The following TP53BP2 variants were observed in gnomAD, a reference collection of about 807,000 sequenced individuals.
TP53BP2 encodes apoptosis-stimulating of p53 protein 2.
TP53BP2 carries 62 observed loss-of-function variants against 126.2 expected under a neutral mutation model. The observed-to-expected ratio is 0.49, with a 90% CI of 0.40 to 0.61. The LOEUF (loss-of-function observed/expected upper bound fraction) is 0.61. TP53BP2 is among the 20% of genes least tolerant of loss of function. TP53BP2 has a pLI of 0.00. For missense variants in TP53BP2, 1,215 were observed against 1,402.8 expected, an observed-to-expected ratio of 0.87 and a Z score of 2.14; for synonymous variants, 485 against 502.9, an observed-to-expected ratio of 0.96 and a Z score of 0.48.
chr1:223,800,675 C>G (rs1467842761), intron 10 of TP53BP2, 25 bp downstream of exon 10: 2 of 1,545,726 alleles, frequency 1.3e-6, no homozygotes, highest in Non-Finnish European at 1.8e-6. Flanking sequence ...ATTTAATGTT[C>G]AAGAGTAGCA....
rs1255194752 is a variant in TP53BP2, at chr1:223,784,312, C to T, written c.3166G>A (p.Val1056Ile). The change falls in exon 17 of 18, where the codon GTT becomes ATT. Residue 1056 changes from valine (V) to isoleucine (I), a missense_variant and splice_region_variant. Coordinates refer to ENST00000343537, the MANE Select transcript of TP53BP2 (RefSeq NM_001031685.3). ...TTCATTATGCCCATCTTCTCCTGAA[C>T]TCCTAAAATCATGACAGTAAGATAA... Reference protein sequence around the residue: ...YTQCSQFLYGVQEKMGIMNKG... With the variant: ...YTQCSQFLYGIQEKMGIMNKG... The T allele has an allele frequency of 6.2e-7, 1 of 1,614,032 alleles. No individual in the cohort carries two copies. The highest frequency in any genetic ancestry group is 1.7e-5 in the Admixed American group (1 of 60,020).
At chr1:223,808,099 G>C (rs1662783324) in intron 4 of TP53BP2, among the ~76,000 whole-genome samples, 1 of 152,198 alleles carries the variant, frequency 6.6e-6, no homozygotes, top group African/African-American at 2.4e-5. Flanking sequence ...AAACAGAATA[G>C]AGAGTACAAA....
intron 1 of TP53BP2, among the ~76,000 whole-genome samples, chr1:223,841,252 T>A (rs1419161177): frequency 6.6e-6 from 1 of 151,392 alleles, no homozygotes; most frequent in Non-Finnish European, 1.5e-5. Flanking sequence ...TCTCAAGAAA[T>A]AAATAAATAA....
At chr1:223,845,520 G>T in intron 1 of TP53BP2, 134 bp downstream of exon 1, 1 of 1,016,686 alleles carries the variant, frequency 9.8e-7, no homozygotes, top group Non-Finnish European at 1.3e-6. Flanking sequence ...CTCGAAGCTC[G>T]GAAAGCCCCG....
rs1371563190 is a variant in TP53BP2 at position 223,798,225 on chromosome 1, G to T, written c.1938C>A (p.His646Gln). ...ALTKTHTRGP[H>Q]FSSVYGKPVI... is the part of the protein sequence containing the mutation. ...CGTTAAGAACCTTACCACTTGAAAA[G>T]TGTGGCCCTCTGGTATGAGTCTTGG... is the stretch of plus-strand genomic sequence containing the variant. The change falls in exon 12 of 18, where the codon CAC becomes CAA. Residue 646 changes from histidine (H) to glutamine (Q), a missense_variant. Coordinates refer to ENST00000343537, the MANE Select transcript of TP53BP2 (RefSeq NM_001031685.3). The T allele has an allele frequency of 1.2e-6, 2 of 1,612,974 alleles. No individual in the cohort carries two copies. Among genetic ancestry groups the T allele is most frequent in the East Asian group, 4.5e-5 (2 of 44,872 alleles).
chr1:223,831,032 A>G (rs1346752336), intron 1 of TP53BP2, among the ~76,000 whole-genome samples: 1 of 151,986 alleles, frequency 6.6e-6, no homozygotes, highest in Non-Finnish European at 1.5e-5. Context: ...TGGGAGGCGG[A>G]GCTTGCAGTG....
chr1:223,800,627 T>C (rs1662496715), intron 10 of TP53BP2, 73 bp downstream of exon 10: 1 of 1,037,052 alleles, frequency 9.6e-7, no homozygotes, highest in Non-Finnish European at 1.4e-6. Flanking sequence ...GAAAATGGAC[T>C]CTCTAAAAGA....
chr1:223,803,305 A>G lies in TP53BP2; in HGVS notation c.797T>C (p.Val266Ala). 1 of 1,613,258 alleles carries G rather than the reference A, an allele frequency of 6.2e-7. No homozygotes were observed. The highest frequency in any genetic ancestry group is 1.1e-5 in the South Asian group (1 of 91,030). Reference protein sequence around the residue: ...IDSHHDNQSAVAELDRLYKEL... With the variant: ...IDSHHDNQSAAAELDRLYKEL... ...CTTATAGAGGCGATCAAGCTCAGCC[A>G]CTGCAGACTGATTGTCATGGTGGCT... Residue 266 changes from valine to alanine, a missense_variant, in exon 7 of 18, where the codon GTG becomes GCG. Val to Ala is a moderately conservative substitution (Grantham distance 64, BLOSUM62 0). Around this residue, in one of 4 missense-constraint regions of TP53BP2, gnomAD observed 814 missense variants for 853.0 expected, o/e 0.95. Coordinates refer to ENST00000343537, the MANE Select transcript of TP53BP2 (RefSeq NM_001031685.3).
intron 5 of TP53BP2, 113 bp from the exon 6 acceptor site, chr1:223,804,461 G>A: frequency 1.0e-6 from 1 of 958,026 alleles, no homozygotes; most frequent in Non-Finnish European, 1.6e-6. Flanking sequence ...TTGTAACCCT[G>A]GTCTGGTCTC....
At chr1:223,831,194 G>A (rs1385086925) in intron 1 of TP53BP2, among the ~76,000 whole-genome samples, 1 of 148,918 alleles carries the variant, frequency 6.7e-6, no homozygotes, top group Non-Finnish European at 1.5e-5. Flanking sequence ...GCCAGCCTGG[G>A]CAACACAGTA....
At chr1:223,844,915 C>A (rs1664215847) in intron 1 of TP53BP2, among the ~76,000 whole-genome samples, 1 of 152,210 alleles carries the variant, frequency 6.6e-6, no homozygotes, top group African/African-American at 2.4e-5. Context: ...TCTGCAGAAG[C>A]CACCGCAACA....
intron 17 of TP53BP2, among the ~76,000 whole-genome samples, chr1:223,782,058 A>G (rs935138914): frequency 1.3e-5 from 2 of 152,200 alleles, no homozygotes; most frequent in African/African-American, 4.8e-5. Flanking sequence ...GAAAATTTAA[A>G]TAATTCAAAA....
chr1:223,810,992 C>A (rs73127439), intron 3 of TP53BP2, among the ~76,000 whole-genome samples: 4,689 of 152,160 alleles, frequency 0.031, 244 homozygotes, highest in African/African-American at 0.11. Context: ...AAAAAAGGAA[C>A]AAGTAGTATC....
chr1:223,845,534 C>G, intron 1 of TP53BP2, 120 bp downstream of exon 1: 4 of 1,133,846 alleles, frequency 3.5e-6, no homozygotes, highest in Middle Eastern at 2.9e-4. Flanking sequence ...AGCCCCGGCC[C>G]CTCCGCGCGG....
chr1:223,839,804 G>C (rs1354173923), intron 1 of TP53BP2, among the ~76,000 whole-genome samples: 1 of 152,068 alleles, frequency 6.6e-6, no homozygotes, highest in African/African-American at 2.4e-5. Context: ...GTGTGGTGGC[G>C]CACTCCTGTA....
At chr1:223,829,810 C>A (rs1316874108) in intron 1 of TP53BP2, among the ~76,000 whole-genome samples, 1 of 151,556 alleles carries the variant, frequency 6.6e-6, no homozygotes, top group Non-Finnish European at 1.5e-5. Context: ...TCTGAAAAGG[C>A]TCGTGACATC....
chr1:223,803,517 C>T (rs1032388876), intron 6 of TP53BP2, 65 bp from the exon 7 acceptor site: 168 of 1,456,260 alleles, frequency 1.2e-4, no homozygotes, highest in Middle Eastern at 6.9e-4. Context: ...ACTTCCCAGG[C>T]AACCGGGCTT....
rs565533032 is a variant in TP53BP2 at position 223,802,266 on chromosome 1, A to C, written c.1075T>G (p.Ser359Ala). Reference sequence around the variant, plus strand: ...GAGGGCATCCGAGGCATAGTAGACGACTGGATATAGGGACCTACTGCAGCC... The same window carrying C: ...GAGGGCATCCGAGGCATAGTAGACGCCTGGATATAGGGACCTACTGCAGCC... ...RVAAVGPYIQ[S>A]STMPRMPSRP... is the part of the protein sequence containing the mutation. Residue 359 changes from serine (S) to alanine (A), a missense_variant, in exon 9 of 18, where the codon TCG (serine) becomes GCG (alanine). Physicochemically the swap from Ser to Ala is moderately conservative, Grantham distance 99. Transcript: ENST00000343537. The C allele has an allele frequency of 6.2e-7, 1 of 1,614,244 alleles. No individual in the cohort carries two copies. The highest frequency in any genetic ancestry group is 1.3e-5 in the African/African-American group (1 of 75,064).
Position 223,788,910 on chromosome 1 carries a change from A to G in TP53BP2, c.3163+98T>C. 3.8e-6 allele frequency: 5 copies of G among 1,326,980 alleles called. No individual in the cohort carries two copies. In the South Asian group the frequency reaches 6.9e-5, roughly 18 times the overall value. The allele number at this position is 1,326,980 out of a possible 1,614,324, so 82.2% of individuals were successfully genotyped here. Reference sequence around the variant, plus strand: ...AAGGCCCAAGACTATGGATAACACAAGATTTTTTCCAAACAAAAATACTTA... The same window carrying G: ...AAGGCCCAAGACTATGGATAACACAGGATTTTTTCCAAACAAAAATACTTA... On this transcript the variant is annotated intron_variant, in intron 16 of 17. Coordinates refer to ENST00000343537, the MANE Select transcript of TP53BP2 (RefSeq NM_001031685.3).
Sources: gnomAD v4.1 joint callset for allele counts (sites outside exome capture counted in the v4.1 genomes callset) on GRCh38, gnomAD v4.1.1 for gene constraint, gnomAD v4.1.1 regional missense constraint, MANE v1.5 for transcripts, NCBI Gene and HGNC (gene_info 2026-07-23, HGNC 2026-07-21) for gene names.